The following CRISPLD1 variants were observed in gnomAD, a reference collection of about 807,000 sequenced individuals.
The protein encoded by CRISPLD1 is cysteine rich secretory protein LCCL domain containing 1.
Under a neutral mutation model 77.5 loss-of-function variants are expected in CRISPLD1, and 60 were observed. The ratio of observed to expected loss-of-function variants is 0.77; its 90% confidence interval spans 0.63 to 0.96. The LOEUF (loss-of-function observed/expected upper bound fraction) is 0.96, where lower values mean the gene tolerates loss of function less well. Among genes scored for constraint, CRISPLD1 ranks in the 40% least tolerant of loss-of-function variants. The pLI is 0.00. For synonymous variants in CRISPLD1, 195 were observed against 200.1 expected, an observed-to-expected ratio of 0.97 and a Z score of 0.22; for missense variants, 623 against 615.8, an observed-to-expected ratio of 1.01 and a Z score of -0.12.
chr8:75,016,589 C>T lies in CRISPLD1; in HGVS notation c.752C>T (p.Pro251Leu), dbSNP rs1813032109. ...YKEGSDRYYPPREEETNEIER... is the reference protein window; with the variant it reads ...YKEGSDRYYPLREEETNEIER... ...GAAGGGTCAGACAGGTATTATCCCC[C>T]TCGAGAAGAGGAAACAAATGAAATA... Residue 251 changes from proline (P) to leucine (L), a missense_variant, in exon 7 of 15, where the codon CCT becomes CTT. Coordinates refer to ENST00000262207, the MANE Select transcript of CRISPLD1 (RefSeq NM_031461.6). 1.1e-5 allele frequency: 17 copies of T among 1,613,162 alleles called. No homozygotes were observed. The highest frequency in any genetic ancestry group is 1.4e-5 in the Non-Finnish European group (17 of 1,179,370).
intron 4 of CRISPLD1, 85 bp from the exon 5 acceptor site, chr8:75,013,902 C>T (rs1812980041): frequency 2.3e-6 from 2 of 879,928 alleles, no homozygotes; most frequent in Non-Finnish European, 3.8e-6. Flanking sequence ...TTCTCACATT[C>T]AAATTTTATG....
intron 7 of CRISPLD1, 49 bp from the exon 8 acceptor site, chr8:75,016,832 C>T (rs1353832412): frequency 6.6e-7 from 1 of 1,522,278 alleles, no homozygotes. Flanking sequence ...TAATGAACTA[C>T]AACTGCTTTT....
chr8:74,985,729 T>C (rs1032939947), intron 1 of CRISPLD1, among the ~76,000 whole-genome samples, 197 bp from the exon 2 acceptor site: 5 of 152,114 alleles, frequency 3.3e-5, no homozygotes, highest in Non-Finnish European at 7.4e-5. Flanking sequence ...TTTGTGGAAA[T>C]TGCATTGTGA....
At chr8:74,997,511 T>C (rs2128781903) in intron 2 of CRISPLD1, among the ~76,000 whole-genome samples, 1 of 152,280 alleles carries the variant, frequency 6.6e-6, no homozygotes, top group Non-Finnish European at 1.5e-5. Context: ...TAGTGGTCAG[T>C]TGAGTGGTGG....
chr8:74,992,457 G>A (rs966157443), intron 2 of CRISPLD1, among the ~76,000 whole-genome samples: 1 of 152,158 alleles, frequency 6.6e-6, no homozygotes, highest in African/African-American at 2.4e-5. Context: ...TTAACATAGA[G>A]TCTCTAAAAC....
intron 2 of CRISPLD1, among the ~76,000 whole-genome samples, chr8:74,995,284 G>A (rs540585891): frequency 1.4e-4 from 22 of 152,252 alleles, no homozygotes; most frequent in African/African-American, 4.3e-4. Context: ...TCTGTCAAAG[G>A]CTGCTTATAA....
At chr8:74,996,054 A>G (rs1312647394) in intron 2 of CRISPLD1, among the ~76,000 whole-genome samples, 4 of 150,042 alleles carry the variant, frequency 2.7e-5, no homozygotes, top group Non-Finnish European at 5.9e-5. Context: ...ATATATATAT[A>G]TAAATACGCA....
At chr8:75,010,091 TTGC>T (rs1459100949) in intron 2 of CRISPLD1, among the ~76,000 whole-genome samples, 1 of 152,158 alleles carries the variant, frequency 6.6e-6, no homozygotes. Flanking sequence ...GCAGCAACTC[TTGC>T]TGCTCTTGTA....
intron 2 of CRISPLD1, among the ~76,000 whole-genome samples, chr8:74,987,462 C>T (rs1812513583): frequency 1.3e-5 from 2 of 152,110 alleles, no homozygotes; most frequent in Admixed American, 1.3e-4. Flanking sequence ...AAGGAGATAA[C>T]CTGGACAAAG....
At chr8:75,010,160 AATG>A (rs1378548982) in intron 2 of CRISPLD1, among the ~76,000 whole-genome samples, 3 of 152,124 alleles carry the variant, frequency 2.0e-5, no homozygotes, top group Non-Finnish European at 4.4e-5. Context: ...AAGATACACT[AATG>A]ATGATAATAA....
At chr8:74,996,293 T>C (rs1216274084) in intron 2 of CRISPLD1, among the ~76,000 whole-genome samples, 1 of 152,166 alleles carries the variant, frequency 6.6e-6, no homozygotes, top group Non-Finnish European at 1.5e-5. Context: ...GCTTTTATAA[T>C]TGATTAAAGT....
chr8:75,014,904 G>A lies in CRISPLD1; in HGVS notation c.719G>A (p.Cys240Tyr). 2 of 1,567,748 alleles carry A rather than the reference G, an allele frequency of 1.3e-6. No individual in the cohort carries two copies. Among genetic ancestry groups the A allele is most frequent in the Non-Finnish European group, 1.7e-6 (2 of 1,163,296 alleles). The change falls in exon 6 of 15, where the codon TGC (cysteine) becomes TAC (tyrosine). Residue 240 changes from cysteine (C) to tyrosine (Y), a missense_variant. By Grantham distance (194) the Cys-to-Tyr change is radical. Transcript: ENST00000262207. Reference protein sequence around the residue: ...SFGGGCRENLCYKEGSDRYYP... With the variant: ...SFGGGCRENLYYKEGSDRYYP... ...GGAGGGGGCTGTAGAGAAAATCTGT[G>A]CTACAAAGGTAAGTGCTATTGTGTT...
chr8:74,985,236 C>T (rs1243406176), intron 1 of CRISPLD1, among the ~76,000 whole-genome samples: 2 of 152,060 alleles, frequency 1.3e-5, no homozygotes, highest in East Asian at 1.9e-4. Flanking sequence ...CTGGCTTCTT[C>T]GGGTGCAGGC....
At chr8:74,999,771 TTTTC>T (rs1320904225) in intron 2 of CRISPLD1, among the ~76,000 whole-genome samples, 1 of 148,050 alleles carries the variant, frequency 6.8e-6, no homozygotes, top group Non-Finnish European at 1.5e-5. Context: ...TTTCTTTTTC[TTTTC>T]TTTTTTTTTT....
chr8:75,032,149 G>C, intron 14 of CRISPLD1, 42 bp from the exon 15 acceptor site: 1 of 1,357,204 alleles, frequency 7.4e-7, no homozygotes, highest in South Asian at 1.2e-5. Context: ...TATGTATAGA[G>C]ATGACATCAA....
chr8:74,988,807 C>T (rs1442185159), intron 2 of CRISPLD1, among the ~76,000 whole-genome samples: 2 of 152,136 alleles, frequency 1.3e-5, no homozygotes, highest in East Asian at 3.9e-4. Flanking sequence ...TGCACTCCAC[C>T]CTGGGTGACA....
chr8:74,999,628 G>A (rs1028211695), intron 2 of CRISPLD1, among the ~76,000 whole-genome samples: 2 of 152,136 alleles, frequency 1.3e-5, no homozygotes, highest in Non-Finnish European at 2.9e-5. Context: ...AGCCTTCCTG[G>A]AGGAAGTGGG....
chr8:75,031,033 T>C (rs2128789727), intron 14 of CRISPLD1, among the ~76,000 whole-genome samples: 1 of 152,170 alleles, frequency 6.6e-6, no homozygotes, highest in Admixed American at 6.6e-5. Context: ...CAGAGATATG[T>C]GTTATTCCAG....
rs1353609529 is a variant in CRISPLD1 at position 74,985,921 on chromosome 8, T to C, written c.-62-5T>C. On this transcript the variant is annotated splice_region_variant and splice_polypyrimidine_tract_variant and intron_variant, in intron 1 of 14. Transcript: ENST00000262207. Reference sequence around the variant, plus strand: ...TCATCTTAATCACATGACATGTCGTTATAGCCAAAAGGAGTGGAAGAGCCT... The same window carrying C: ...TCATCTTAATCACATGACATGTCGTCATAGCCAAAAGGAGTGGAAGAGCCT... 19 of 1,515,300 alleles carry C rather than the reference T, an allele frequency of 1.3e-5. No homozygotes were observed. The East Asian group carries it at 4.3e-4, about 35-fold the overall frequency. 93.9% of individuals were successfully genotyped at this position (1,515,300 alleles called of 1,614,324 possible).
Sources: allele counts gnomAD v4.1 joint callset (sites outside exome capture counted in the v4.1 genomes callset), GRCh38; gene constraint gnomAD v4.1.1; transcripts MANE v1.5; gene names NCBI Gene and HGNC (gene_info 2026-07-23, HGNC 2026-07-21).